NGEF: variants seen among roughly 807,000 people sequenced by gnomAD.
NGEF encodes the protein neuronal guanine nucleotide exchange factor, also known as ephexin-1.
Under a neutral mutation model 80.9 loss-of-function variants are expected in NGEF, and 31 were observed. The observed-to-expected ratio is 0.38, with a 90% confidence interval of 0.29 to 0.52. The LOEUF is 0.52. Among genes scored for constraint, NGEF ranks in the 20% least tolerant of loss-of-function variants. The probability of loss-of-function intolerance (pLI) is 0.84; values close to 1 mark genes in which losing one functional copy is unlikely to be tolerated. For synonymous variants in NGEF, 371 were observed against 370.2 expected, an observed-to-expected ratio of 1.00 and a Z score of -0.03; for missense variants, 709 against 926.2, an observed-to-expected ratio of 0.77 and a Z score of 3.04.
Position 232,963,404 on chromosome 2 carries a change from C to T in NGEF, c.383+6810G>A, listed in dbSNP as rs1443823865. ...CTAAAACTTCTATAAGAAAACGTAG[C>T]AGAGTATCTTCATGACTTCAAAGTG... On this transcript the variant is annotated intron_variant, in intron 3 of 14. Transcript: ENST00000264051. 2.0e-5 allele frequency among the ~76,000 whole-genome samples: 3 copies of T among 151,892 alleles called. 1 individual carries two copies. Among genetic ancestry groups the T allele is most frequent in the African/African-American group, 7.3e-5 (3 of 41,200 alleles).
intron 5 of NGEF, among the ~76,000 whole-genome samples, chr2:232,908,636 T>C (rs1027828160): frequency 1.3e-5 from 2 of 152,132 alleles, no homozygotes; most frequent in African/African-American, 4.8e-5. Flanking sequence ...ACTCCTGGGC[T>C]AAAACCACTC....
intron 14 of NGEF, among the ~76,000 whole-genome samples, chr2:232,880,914 C>T (rs559585298): frequency 1.3e-5 from 2 of 152,312 alleles, no homozygotes; most frequent in East Asian, 3.9e-4. Flanking sequence ...AAGGTGGGGT[C>T]TCCCGGCTCT....
intron 3 of NGEF, among the ~76,000 whole-genome samples, chr2:232,950,886 A>G (rs1693664608): frequency 2.0e-5 from 3 of 152,114 alleles, no homozygotes. Context: ...GAAAAAAAAC[A>G]TGGAAGGGGA....
rs1052117410 is a variant in NGEF at position 233,013,216 on chromosome 2, A to G, written c.-223T>C. ...TCTGTCCCAGAGAGCCCACAGCCAA[A>G]AACTTCGTCCTGTCCTGGAAAAGCT... is the stretch of plus-strand genomic sequence containing the variant. On this transcript the variant is annotated 5_prime_UTR_variant, in exon 1 of 15. Coordinates refer to ENST00000264051, the MANE Select transcript of NGEF (RefSeq NM_019850.3). 1.3e-5 allele frequency: 6 copies of G among 471,028 alleles called. No individual in the cohort carries two copies. Among genetic ancestry groups the G allele is most frequent in the Admixed American group, 1.2e-4 (5 of 42,564 alleles). 29.2% of individuals were successfully genotyped at this position (471,028 alleles called of 1,614,324 possible).
chr2:232,979,084 G>A (rs996735673), intron 1 of NGEF, among the ~76,000 whole-genome samples: 7 of 152,122 alleles, frequency 4.6e-5, no homozygotes, highest in Admixed American at 2.0e-4. Flanking sequence ...AGGAGTCAGG[G>A]GACCTGGGTT....
At chr2:232,948,498 T>G (rs888613565) in intron 3 of NGEF, among the ~76,000 whole-genome samples, 4 of 152,072 alleles carry the variant, frequency 2.6e-5, no homozygotes, top group Non-Finnish European at 5.9e-5. Context: ...GCAATTTAGT[T>G]TCACACAGTT....
At chr2:232,906,325 A>G (rs1292402242) in intron 5 of NGEF, among the ~76,000 whole-genome samples, 1 of 78,068 alleles carries the variant, frequency 1.3e-5, no homozygotes, top group Non-Finnish European at 2.5e-5. Context: ...CCCGGCCACC[A>G]CCCCGTGTGG....
Position 232,879,444 on chromosome 2 carries a change from G to C in NGEF, c.*45C>G. ...AGCCCCCCCCCCCCCACCTTCTGTC[G>C]GGGTCTCATGCAGGCCCTGCTCCCG... On this transcript the variant is annotated 3_prime_UTR_variant, in exon 15 of 15. Coordinates refer to ENST00000264051, the MANE Select transcript of NGEF (RefSeq NM_019850.3). 2 of 1,411,424 alleles carry C rather than the reference G, an allele frequency of 1.4e-6. No homozygotes were observed. The highest frequency in any genetic ancestry group is 1.4e-5 in the South Asian group (1 of 73,158). 87.4% of individuals were successfully genotyped at this position (1,411,424 alleles called of 1,614,324 possible). A position where few individuals can be genotyped will look rare whatever the true frequency, so the allele number is the denominator to read the frequency against.
intron 9 of NGEF, 73 bp downstream of exon 9, chr2:232,887,960 C>T (rs1042575912): frequency 5.3e-6 from 6 of 1,122,892 alleles, no homozygotes; most frequent in Non-Finnish European, 8.2e-6. Flanking sequence ...ATGTGGGGAG[C>T]AGGGCCGGAA....
intron 1 of NGEF, among the ~76,000 whole-genome samples, chr2:233,004,019 A>G (rs937089414): frequency 6.6e-6 from 1 of 152,158 alleles, no homozygotes; most frequent in Non-Finnish European, 1.5e-5. Context: ...CAGATGTCAC[A>G]GTGATTCAGT....
chr2:233,006,905 T>A (rs1464097822), intron 1 of NGEF, among the ~76,000 whole-genome samples: 1 of 152,094 alleles, frequency 6.6e-6, no homozygotes, highest in Non-Finnish European at 1.5e-5. Flanking sequence ...AGCAAAGTGC[T>A]TAAAAACATG....
At chr2:233,010,125 T>G (rs1237951558) in intron 1 of NGEF, among the ~76,000 whole-genome samples, 1 of 151,872 alleles carries the variant, frequency 6.6e-6, no homozygotes, top group African/African-American at 2.4e-5. Flanking sequence ...ACTTCTGACC[T>G]CTGGTAATCC....
intron 1 of NGEF, among the ~76,000 whole-genome samples, chr2:233,005,879 T>G (rs937843313): frequency 3.3e-5 from 5 of 152,196 alleles, no homozygotes; most frequent in African/African-American, 1.2e-4. Flanking sequence ...TTCAGTGGCA[T>G]GATCTCAGCC....
At chr2:232,883,282 C>T (rs377145247) in intron 12 of NGEF, 29 bp downstream of exon 12, 74 of 1,565,492 alleles carry the variant, frequency 4.7e-5, no homozygotes, top group Non-Finnish European at 6.1e-5. Context: ...CCACGGGTAG[C>T]ACTGGGCGTG....
chr2:232,885,361 C>T lies in NGEF; in HGVS notation c.1356G>A (p.Lys452=). ...DAHKELEMVV[K]ACNEGVRKMS... is the part of the protein sequence containing the mutation. ...TTTTCCTGACGCCCTCGTTGCATGC[C>T]TTCACCACCTGGGACAAGAAGGAGG... Residue 452 remains lysine, a synonymous_variant, in exon 10 of 15, where the codon AAG becomes AAA. Transcript: ENST00000264051. 6.2e-7 allele frequency: 1 copy of T among 1,614,090 alleles called. No homozygotes were observed. The highest frequency in any genetic ancestry group is 8.5e-7 in the Non-Finnish European group (1 of 1,179,980).
At position 233,013,067 on chromosome 2, in the gene NGEF, C is replaced by T; in HGVS notation, c.-75+1G>A. The T allele has an allele frequency of 2.1e-6, 1 of 466,670 alleles. No homozygotes were observed. Among genetic ancestry groups the T allele is most frequent in the South Asian group, 1.6e-5 (1 of 64,176 alleles). The allele number at this position is 466,670 out of a possible 1,614,324, so 28.9% of individuals were successfully genotyped here. Reference sequence around the variant, plus strand: ...AAAAAATACCAAAACCATTCTCTCACCTGCCAGAGAGGAGCTCATAGGAGT... The same window carrying T: ...AAAAAATACCAAAACCATTCTCTCATCTGCCAGAGAGGAGCTCATAGGAGT... On this transcript the variant is annotated splice_donor_variant, in intron 1 of 14. Coordinates refer to ENST00000264051, the MANE Select transcript of NGEF (RefSeq NM_019850.3). LOFTEE classifies it low-confidence loss of function (5UTR_SPLICE).
chr2:232,897,659 C>A (rs1692142670), intron 5 of NGEF, among the ~76,000 whole-genome samples: 1 of 152,230 alleles, frequency 6.6e-6, no homozygotes. Flanking sequence ...CAGCGGCCAA[C>A]TGCAGACCCC....
chr2:232,960,682 C>T (rs1053168679), intron 3 of NGEF, among the ~76,000 whole-genome samples: 1 of 152,168 alleles, frequency 6.6e-6, no homozygotes, highest in African/African-American at 2.4e-5. Flanking sequence ...AGTTTGAGAC[C>T]AGCCTGGCCA....
rs376257439 is a variant in NGEF at position 233,011,088 on chromosome 2, G to A, written c.-75+1980C>T. On this transcript the variant is annotated intron_variant, in intron 1 of 14. Transcript: ENST00000264051. ...TCAGGATCCTATCACCGTTGTTGGGGTGAGAGGGCTGGTGTGCTCTTTTCA... is the reference window on the plus strand; with the variant it reads ...TCAGGATCCTATCACCGTTGTTGGGATGAGAGGGCTGGTGTGCTCTTTTCA... Among the ~76,000 whole-genome samples, 59 of 152,240 alleles carry A rather than the reference G, an allele frequency of 3.9e-4. 1 individual carries two copies. The East Asian group carries it at 0.011, about 28-fold the overall frequency.
Sources: gnomAD v4.1 joint callset for allele counts (sites outside exome capture counted in the v4.1 genomes callset) on GRCh38, gnomAD v4.1.1 for gene constraint, MANE v1.5 for transcripts, NCBI Gene and HGNC (gene_info 2026-07-23, HGNC 2026-07-21) for gene names.